WDR6: variants seen among roughly 807,000 people sequenced by gnomAD.
WDR6 encodes tRNA (34-2'-O)-methyltransferase regulator WDR6.
WDR6 carries 58 observed loss-of-function variants against 85.6 expected under a neutral mutation model. The observed-to-expected ratio is 0.68, with a 90% confidence interval of 0.55 to 0.84. WDR6 has a LOEUF of 0.84. WDR6 is among the 40% of genes least tolerant of loss of function. WDR6 has a pLI of 0.00. For missense variants in WDR6, 1,310 were observed against 1,476.4 expected (o/e 0.89, Z 1.85); for synonymous variants, 569 against 582.2 (o/e 0.98, Z 0.33).
intron 1 of WDR6, 126 bp from the exon 2 acceptor site, chr3:49,011,509 G>C (rs1313797219): frequency 3.2e-5 from 52 of 1,611,040 alleles, no homozygotes; most frequent in Non-Finnish European, 4.4e-5. Flanking sequence ...GATTCAAGCT[G>C]CAGGATTGTG....
rs374618309 is a variant in WDR6, at chr3:49,014,461, G to A, written c.2745G>A (p.Lys915=). 2 of 1,613,984 alleles carry A rather than the reference G, an allele frequency of 1.2e-6. No individual in the cohort carries two copies. The highest frequency in any genetic ancestry group is 2.7e-5 in the African/African-American group (2 of 74,888). Residue 915 remains lysine (K), a synonymous_variant, in exon 4 of 6, where the codon AAG becomes AAA. Transcript: ENST00000608424. The surrounding 1 kb of genome is among the most constrained non-coding windows in gnomAD (Gnocchi z 4.9). Reference sequence around the variant, plus strand: ...TCCACCATAAGCGATGTGTCCTCAAGGTCCACTCCTTTACACACGAGGCAC... The same window carrying A: ...TCCACCATAAGCGATGTGTCCTCAAAGTCCACTCCTTTACACACGAGGCAC... ...ETFHHKRCVL[K]VHSFTHEAPN...
At chr3:49,011,385 A>C in intron 1 of WDR6, 1 of 1,378,400 alleles carries the variant, frequency 7.3e-7, no homozygotes, top group Non-Finnish European at 9.7e-7. Context: ...GGCCGAGACC[A>C]AGGATTTTCT....
At chr3:49,011,557 T>C in intron 1 of WDR6, 78 bp from the exon 2 acceptor site, 1 of 1,612,134 alleles carries the variant, frequency 6.2e-7, no homozygotes, top group Non-Finnish European at 8.5e-7. Flanking sequence ...CCGAGAAGTT[T>C]CCCTGATCCC....
At position 49,013,701 on chromosome 3, in the gene WDR6, A is replaced by T. The variant is rs1429967155; in HGVS notation, c.2167A>T (p.Ser723Cys). 6.2e-7 allele frequency: 1 copy of T among 1,614,120 alleles called. No homozygotes were observed. The highest frequency in any genetic ancestry group is 1.7e-5 in the Admixed American group (1 of 60,026). Reference sequence around the variant, plus strand: ...CCTGGGGCCTGAATATGGAGTGCCCAGCTTCATGCAGCCTGATGACCTGGA... The same window carrying T: ...CCTGGGGCCTGAATATGGAGTGCCCTGCTTCATGCAGCCTGATGACCTGGA... ...ITLGPEYGVPSFMQPDDLEPG... is the reference protein window; with the variant it reads ...ITLGPEYGVPCFMQPDDLEPG... Residue 723 changes from serine (S) to cysteine (C), a missense_variant, in exon 2 of 6, where the codon AGC becomes TGC. Coordinates refer to ENST00000608424, the MANE Select transcript of WDR6 (RefSeq NM_018031.6). This position sits in a 1 kb window ranked among gnomAD's most constrained non-coding sequence, Gnocchi z 4.6.
In WDR6 at chr3:49,013,850, C is replaced by T. The variant is rs566715218; in HGVS notation, c.2316C>T (p.Asn772=). The T allele has an allele frequency of 6.2e-7, 1 of 1,614,138 alleles. No individual in the cohort carries two copies. Among genetic ancestry groups the T allele is most frequent in the South Asian group, 1.1e-5 (1 of 91,086 alleles). ...CCCACGCACTCACAGCTGTTTGTAA[C>T]CATATCTCCTCGGTACGTGCTGTGG... ...GSAHALTAVC[N]HISSVRAVAV... The change falls in exon 2 of 6, where the codon AAC becomes AAT. Residue 772 remains asparagine (N), a synonymous_variant. Transcript: ENST00000608424. This position sits in a 1 kb window ranked among gnomAD's most constrained non-coding sequence, Gnocchi z 4.6.
Position 49,013,960 on chromosome 3 carries a change from C to G in WDR6, c.2426C>G (p.Ala809Gly), listed in dbSNP as rs1407429071. 1 of 1,612,032 alleles carries G rather than the reference C, an allele frequency of 6.2e-7. No homozygotes were observed. Among genetic ancestry groups the G allele is most frequent in the Non-Finnish European group, 8.5e-7 (1 of 1,179,986 alleles). ...TAHVVSAGGR[A>G]EMHCFSIMVT... ...CATGTGGTGTCTGCGGGGGGGCGGG[C>G]TGAGATGCACTGCTTCAGCATCATG... Residue 809 changes from alanine (A) to glycine (G), a missense_variant, in exon 2 of 6, where the codon GCT becomes GGT. Ala to Gly is a moderately conservative substitution (Grantham distance 60). Coordinates refer to ENST00000608424, the MANE Select transcript of WDR6 (RefSeq NM_018031.6). This position sits in a 1 kb window ranked among gnomAD's most constrained non-coding sequence, Gnocchi z 4.6.
rs148510310 is a variant in WDR6 at position 49,015,238 on chromosome 3, C to T, written c.3316C>T (p.Arg1106Cys). Residue 1106 changes from arginine (R) to cysteine (C), a missense_variant, in exon 6 of 6, where the codon CGT becomes TGT. Arg to Cys is a radical substitution (Grantham distance 180). Transcript: ENST00000608424. ...GCCTGTGAGCCCTGAGTTTGGCCAC[C>T]GTTGTGCCCTTGGGGGTCAGGGGCT... is the stretch of plus-strand genomic sequence containing the variant. ...CWPVSPEFGHRCALGGQGLEV... is the reference protein window; with the variant it reads ...CWPVSPEFGHCCALGGQGLEV... 12 of 1,613,332 alleles carry T rather than the reference C, an allele frequency of 7.4e-6. No homozygotes were observed. Among genetic ancestry groups the T allele is most frequent in the South Asian group, 1.1e-5 (1 of 91,084 alleles).
chr3:49,014,538 T>TG lies in WDR6; in HGVS notation c.2783+45dup, dbSNP rs773158612. ...GATGATGGTCCTGCATGGGCTGGGT[T>TG]GGGGGGTTCCTGTTGAGCTTCATCT... On this transcript the variant is annotated intron_variant, in intron 4 of 5. Transcript: ENST00000608424. The surrounding 1 kb of genome is among the most constrained non-coding windows in gnomAD (Gnocchi z 4.9). The TG allele has an allele frequency of 7.0e-5, 113 of 1,613,628 alleles. No homozygotes were observed. Among genetic ancestry groups the TG allele is most frequent in the Non-Finnish European group, 8.6e-5 (102 of 1,179,882 alleles).
chr3:49,008,640 G>A (rs192371063), intron 1 of WDR6, among the ~76,000 whole-genome samples: 1 of 152,308 alleles, frequency 6.6e-6, no homozygotes, highest in East Asian at 1.9e-4. Flanking sequence ...TTCTTGTGAA[G>A]TTAGAGCAGG....
chr3:49,012,788 G>C lies in WDR6; in HGVS notation c.1254G>C (p.Lys418Asn). 1 of 1,613,998 alleles carries C rather than the reference G, an allele frequency of 6.2e-7. No individual in the cohort carries two copies. The highest frequency in any genetic ancestry group is 8.5e-7 in the Non-Finnish European group (1 of 1,180,002). ...CAMANGEGRV[K>N]VVPINTPTAA... is the part of the protein sequence containing the mutation. Reference sequence around the variant, plus strand: ...TGGCCAATGGGGAAGGTCGTGTCAAGGTTGTCCCCATCAACACTCCAACTG... The same window carrying C: ...TGGCCAATGGGGAAGGTCGTGTCAACGTTGTCCCCATCAACACTCCAACTG... Residue 418 changes from lysine (K) to asparagine (N), a missense_variant, in exon 2 of 6, where the codon AAG becomes AAC. Coordinates refer to ENST00000608424, the MANE Select transcript of WDR6 (RefSeq NM_018031.6). The surrounding 1 kb of genome is among the most constrained non-coding windows in gnomAD (Gnocchi z 4.4).
At position 49,014,065 on chromosome 3, in the gene WDR6, G is replaced by C; in HGVS notation, c.2531G>C (p.Trp844Ser). Residue 844 changes from tryptophan to serine, a missense_variant, in exon 2 of 6, where the codon TGG becomes TCG. By Grantham distance (177) the Trp-to-Ser change is radical. Transcript: ENST00000608424. The surrounding 1 kb of genome is among the most constrained non-coding windows in gnomAD (Gnocchi z 4.9). ...HLSSHRLDEY[W>S]DRQRNRHRMV... ...TCGTCCCACCGGCTAGATGAGTATT[G>C]GGACCGGCAACGCAATCGGCATCGG... 6.2e-7 allele frequency: 1 copy of C among 1,613,154 alleles called. No individual in the cohort carries two copies. The highest frequency in any genetic ancestry group is 1.1e-5 in the South Asian group (1 of 91,086).
At position 49,012,182 on chromosome 3, in the gene WDR6, A is replaced by G. The variant is rs754557563; in HGVS notation, c.648A>G (p.Ser216=). The change falls in exon 2 of 6, where the codon TCA becomes TCG. Residue 216 remains serine (S), a synonymous_variant. Coordinates refer to ENST00000608424, the MANE Select transcript of WDR6 (RefSeq NM_018031.6). The surrounding 1 kb of genome is among the most constrained non-coding windows in gnomAD (Gnocchi z 4.4). ...SGHVGIIFSM[S]YLESKGLLAT... is the part of the protein sequence containing the mutation. ...ATGTGGGCATCATCTTCAGCATGTCATACCTGGAAAGCAAGGGATTGCTGG... is the reference window on the plus strand; with the variant it reads ...ATGTGGGCATCATCTTCAGCATGTCGTACCTGGAAAGCAAGGGATTGCTGG... 5.6e-6 allele frequency: 9 copies of G among 1,614,132 alleles called. No homozygotes were observed. The African/African-American group carries it at 1.2e-4, about 22-fold the overall frequency.
intron 1 of WDR6, chr3:49,008,158 G>A (rs1027165264): frequency 6.6e-6 from 1 of 152,552 alleles, no homozygotes; most frequent in Non-Finnish European, 1.5e-5. Context: ...AGCAGGGGCT[G>A]AGACCCCCTC....
Position 49,012,001 on chromosome 3 carries a change from A to G in WDR6, c.467A>G (p.Asp156Gly). The part of the protein sequence containing the change: ...GCILQEVPCT[D>G]RCTLSSACLI... ...ATCCTGCAAGAGGTGCCCTGCACAG[A>G]CAGGTGCACCCTCTCTTCAGCCTGC... The change falls in exon 2 of 6, where the codon GAC becomes GGC. Residue 156 changes from aspartate (D) to glycine (G), a missense_variant. Coordinates refer to ENST00000608424, the MANE Select transcript of WDR6 (RefSeq NM_018031.6). The surrounding 1 kb of genome is among the most constrained non-coding windows in gnomAD (Gnocchi z 4.4). 1 of 1,614,216 alleles carries G rather than the reference A, an allele frequency of 6.2e-7. No individual in the cohort carries two copies. The highest frequency in any genetic ancestry group is 1.1e-5 in the South Asian group (1 of 91,084).
At position 49,011,918 on chromosome 3, in the gene WDR6, T is replaced by TA. The variant is rs1429757712; in HGVS notation, c.385dup (p.Ile129AsnfsTer14). The TA allele has an allele frequency of 5.0e-6, 8 of 1,614,146 alleles. No homozygotes were observed. The highest frequency in any genetic ancestry group is 5.9e-6 in the Non-Finnish European group (7 of 1,180,012). ...GGGATGCACGCTGGCTTGAGGGAAA[T>TA]ATAGCCTTGGCCCTGGGCCACAACT... On this transcript the variant is annotated frameshift_variant, in exon 2 of 6. Transcript: ENST00000608424. LOFTEE classifies it high-confidence loss of function.
rs1488521264 is a variant in WDR6 at position 49,012,930 on chromosome 3, G to C, written c.1396G>C (p.Glu466Gln). The C allele has an allele frequency of 6.2e-7, 1 of 1,613,776 alleles. No homozygotes were observed. The highest frequency in any genetic ancestry group is 8.5e-7 in the Non-Finnish European group (1 of 1,179,976). ...CCCTGGCGGGGTAGTAGCTTGCCTA[G>C]AGATCTCAGCCGCACCCTCTGGCAA... ...SGPGGVVACL[E>Q]ISAAPSGKAI... Residue 466 changes from glutamate to glutamine, a missense_variant, in exon 2 of 6, where the codon GAG becomes CAG. Physicochemically the swap from Glu to Gln is conservative, Grantham distance 29. Transcript: ENST00000608424. This position sits in a 1 kb window ranked among gnomAD's most constrained non-coding sequence, Gnocchi z 4.4.
At chr3:49,009,263 A>C (rs1329206340) in intron 1 of WDR6, among the ~76,000 whole-genome samples, 4 of 148,164 alleles carry the variant, frequency 2.7e-5, no homozygotes, top group Non-Finnish European at 5.9e-5. Context: ...GCAATCATAC[A>C]TGCTGTTTTC....
Position 49,013,831 on chromosome 3 carries a change from C to T in WDR6, c.2297C>T (p.Ala766Val). The change falls in exon 2 of 6, where the codon GCA becomes GTA. Residue 766 changes from alanine to valine, a missense_variant. Ala to Val is a moderately conservative substitution (Grantham distance 64, BLOSUM62 0). Coordinates refer to ENST00000608424, the MANE Select transcript of WDR6 (RefSeq NM_018031.6). The surrounding 1 kb of genome is among the most constrained non-coding windows in gnomAD (Gnocchi z 4.6). ...ALPTTTGSAH[A>V]LTAVCNHISS... ...CCTACAACCACAGGCTCAGCCCACG[C>T]ACTCACAGCTGTTTGTAACCATATC... 6.2e-7 allele frequency: 1 copy of T among 1,614,112 alleles called. No homozygotes were observed.
In WDR6 at chr3:49,010,308, A is replaced by G. The variant is rs889519557; in HGVS notation, c.101-1327A>G. Among the ~76,000 whole-genome samples, 10 of 151,854 alleles carry G rather than the reference A, an allele frequency of 6.6e-5. No individual in the cohort carries two copies. In the East Asian group the frequency reaches 2.0e-3, roughly 30 times the overall value. On this transcript the variant is annotated intron_variant, in intron 1 of 5. Coordinates refer to ENST00000608424, the MANE Select transcript of WDR6 (RefSeq NM_018031.6). ...GTAGTCCCAGCTACTTGGGAGGCTGAGGCAGGAGGATGGCGTAAACCTGGG... is the reference window on the plus strand; with the variant it reads ...GTAGTCCCAGCTACTTGGGAGGCTGGGGCAGGAGGATGGCGTAAACCTGGG...
Sources: gnomAD v4.1 joint callset for allele counts (sites outside exome capture counted in the v4.1 genomes callset) on GRCh38, gnomAD v4.1.1 for gene constraint, Gnocchi (gnomAD v3.1) non-coding constraint, MANE v1.5 for transcripts, NCBI Gene and HGNC (gene_info 2026-07-23, HGNC 2026-07-21) for gene names.